The following TXLNB variants were observed in gnomAD, a reference collection of about 807,000 sequenced individuals.
The protein encoded by TXLNB is taxilin beta, also known as beta-taxilin.
A neutral mutation model predicts 57.4 loss-of-function variants in TXLNB; 37 were observed. The ratio of observed to expected loss-of-function variants is 0.64; its 90% CI spans 0.50 to 0.85. The LOEUF (loss-of-function observed/expected upper bound fraction) is 0.85, where lower values mean the gene tolerates loss of function less well. TXLNB is among the 40% of genes least tolerant of loss of function. The pLI is 0.00. For missense variants in TXLNB, 848 were observed against 825.6 expected (o/e 1.03, Z -0.33); for synonymous variants, 302 against 309.6 (o/e 0.98, Z 0.26).
rs780957759 is a variant in TXLNB, at chr6:139,242,919, ACT to A, written c.1660_1661del (p.Leu556AlafsTer8). ...PPLIPSRDSE[S>X]PLPPLTPQAE... is the part of the protein sequence containing the mutation. Reference sequence around the variant, plus strand: ...CCTGAGGAGTTAGGGGAGGCAGGGGACTCTCTGAATCCCGTGAAGGGATCAGA... The same window carrying A: ...CCTGAGGAGTTAGGGGAGGCAGGGGACTCTGAATCCCGTGAAGGGATCAGA... On this transcript the variant is annotated frameshift_variant, in exon 10 of 10. Transcript: ENST00000358430. LOFTEE classifies it low-confidence loss of function (END_TRUNC). 8.9e-5 allele frequency: 144 copies of A among 1,613,512 alleles called. No homozygotes were observed. The highest frequency in any genetic ancestry group is 1.7e-4 in the Middle Eastern group (1 of 6,060).
At chr6:139,237,775 T>C (rs539663933), downstream of TXLNB, among the ~76,000 whole-genome samples, 2 of 152,218 alleles carry the variant, frequency 1.3e-5, no homozygotes, top group South Asian at 2.1e-4. Context: ...TTTGAGGTAA[T>C]TGAACATTAT....
At chr6:139,246,518 A>G (rs1776069637) in intron 8 of TXLNB, among the ~76,000 whole-genome samples, 1 of 152,192 alleles carries the variant, frequency 6.6e-6, no homozygotes, top group African/African-American at 2.4e-5. Context: ...GGCACCTTAT[A>G]TTTGAAAAAT....
the TXLNB span, among the ~76,000 whole-genome samples, chr6:139,297,368 G>A: frequency 6.6e-6 from 1 of 152,078 alleles, no homozygotes; most frequent in African/African-American, 2.4e-5. Flanking sequence ...CATCAGCATT[G>A]GAAATATCCA....
chr6:139,295,579 T>TGGG (rs140715736), upstream of TXLNB, among the ~76,000 whole-genome samples: 1 of 151,000 alleles, frequency 6.6e-6, no homozygotes, highest in Non-Finnish European at 1.5e-5. Flanking sequence ...AGATATTTTT[T>TGGG]GGGGGGGGGA....
the TXLNB span, among the ~76,000 whole-genome samples, chr6:139,302,313 G>C: frequency 4.1e-5 from 5 of 122,950 alleles, no homozygotes; most frequent in East Asian, 7.2e-4. Flanking sequence ...AGGTCTGAGA[G>C]AGAGGAGAAA....
upstream of TXLNB, among the ~76,000 whole-genome samples, chr6:139,296,359 CCT>C (rs975538598): frequency 4.0e-5 from 6 of 151,816 alleles, no homozygotes; most frequent in African/African-American, 1.2e-4. Context: ...ATTATTTTCC[CCT>C]GTCTTTTAGT....
the TXLNB span, among the ~76,000 whole-genome samples, chr6:139,300,945 G>A: frequency 1.9e-4 from 29 of 152,236 alleles, no homozygotes; most frequent in African/African-American, 6.7e-4. Context: ...CAAGCTCAAG[G>A]ACTACAAAGG....
At position 139,243,333 on chromosome 6, in the gene TXLNB, C is replaced by A; in HGVS notation, c.1267-19G>T. The A allele has an allele frequency of 6.3e-7, 1 of 1,591,354 alleles. No individual in the cohort carries two copies. The highest frequency in any genetic ancestry group is 8.5e-7 in the Non-Finnish European group (1 of 1,171,400). Reference sequence around the variant, plus strand: ...GTGCTTTCTGTGATGTGAAAACACACGCACATACACACACAGATGAAATGA... The same window carrying A: ...GTGCTTTCTGTGATGTGAAAACACAAGCACATACACACACAGATGAAATGA... On this transcript the variant is annotated intron_variant, in intron 9 of 9. Coordinates refer to ENST00000358430, the MANE Select transcript of TXLNB (RefSeq NM_153235.4).
At chr6:139,313,077 C>CT in the TXLNB span, among the ~76,000 whole-genome samples, 2,657 of 145,444 alleles carry the variant, frequency 0.018, 67 homozygotes, top group African/African-American at 0.058. Context: ...GTCTTTCTCT[C>CT]TTTTTTTTTT....
intron 4 of TXLNB, among the ~76,000 whole-genome samples, chr6:139,263,121 A>C (rs113095373): frequency 0.015 from 2,275 of 152,332 alleles, 57 homozygotes; most frequent in African/African-American, 0.052. Context: ...AAAAAAGGCC[A>C]CTTGAGTTTA....
At chr6:139,294,144 A>G (rs2114660323), upstream of TXLNB, among the ~76,000 whole-genome samples, 1 of 152,336 alleles carries the variant, frequency 6.6e-6, no homozygotes, top group Middle Eastern at 3.4e-3. Context: ...ATACATTTTA[A>G]AGCCTACAAA....
chr6:139,239,503 C>CT (rs1209523139), downstream of TXLNB: 12 of 152,340 alleles, frequency 7.9e-5, no homozygotes, highest in Middle Eastern at 3.1e-3. This position sits in a 1 kb window ranked among gnomAD's most constrained non-coding sequence, Gnocchi z 4.7. Context: ...GACATTTTTT[C>CT]TTTTTTTGAG....
At chr6:139,301,891 A>C in the TXLNB span, among the ~76,000 whole-genome samples, 2 of 152,316 alleles carry the variant, frequency 1.3e-5, no homozygotes, top group African/African-American at 4.8e-5. Context: ...AAAACAAAAC[A>C]AAAACAAAGC....
At chr6:139,176,563 G>A in the TXLNB span, among the ~76,000 whole-genome samples, 13 of 152,114 alleles carry the variant, frequency 8.5e-5, no homozygotes, top group South Asian at 2.1e-4. The surrounding 1 kb of genome is among the most constrained non-coding windows in gnomAD (Gnocchi z 4.5). Flanking sequence ...CAAAGAAAAC[G>A]CAACTTTTCT....
the TXLNB span, among the ~76,000 whole-genome samples, chr6:139,217,502 A>G: frequency 6.6e-6 from 1 of 152,228 alleles, no homozygotes; most frequent in Non-Finnish European, 1.5e-5. Flanking sequence ...ATAGTAAAAT[A>G]CCAGACACTT....
chr6:139,278,708 A>G (rs1347876299), intron 2 of TXLNB, among the ~76,000 whole-genome samples: 1 of 152,232 alleles, frequency 6.6e-6, no homozygotes, highest in African/African-American at 2.4e-5. Flanking sequence ...TGATAATAAT[A>G]GAATAAAACA....
At chr6:139,282,505 A>T (rs942398054) in intron 2 of TXLNB, among the ~76,000 whole-genome samples, 2 of 145,296 alleles carry the variant, frequency 1.4e-5, no homozygotes, top group Non-Finnish European at 3.1e-5. Context: ...TGAACCTGGG[A>T]GGTGGAAGTT....
the TXLNB span, among the ~76,000 whole-genome samples, chr6:139,193,822 T>TTTTATATA: frequency 3.9e-3 from 365 of 92,418 alleles, 5 homozygotes; most frequent in African/African-American, 0.012. Flanking sequence ...CCTGGCTAAT[T>TTTTATATA]TATATATATA....
At chr6:139,217,679 T>G in the TXLNB span, among the ~76,000 whole-genome samples, 1 of 151,798 alleles carries the variant, frequency 6.6e-6, no homozygotes, top group Non-Finnish European at 1.5e-5. Context: ...CCATCCTGGC[T>G]AACGCGGTGA....
Sources: allele counts gnomAD v4.1 joint callset (sites outside exome capture counted in the v4.1 genomes callset), GRCh38; gene constraint gnomAD v4.1.1; non-coding constraint Gnocchi (gnomAD v3.1); transcripts MANE v1.5; gene names NCBI Gene and HGNC (gene_info 2026-07-23, HGNC 2026-07-21).